Variants in RNGTT observed in about 807,000 individuals in gnomAD.
RNGTT encodes RNA guanylyltransferase and 5'-phosphatase.
A neutral mutation model predicts 79.3 loss-of-function variants in RNGTT; 33 were observed. The observed-to-expected ratio is 0.42, with a 90% CI of 0.32 to 0.56. RNGTT has a LOEUF of 0.56. Among genes scored for constraint, RNGTT ranks in the 20% least tolerant of loss-of-function variants. The pLI is 0.17. For synonymous variants in RNGTT, 222 were observed against 235.9 expected, an observed-to-expected ratio of 0.94 and a Z score of 0.54; for missense variants, 497 against 739.1, an observed-to-expected ratio of 0.67 and a Z score of 3.80.
At chr6:88,775,613 G>A (rs945280804) in intron 12 of RNGTT, among the ~76,000 whole-genome samples, 4 of 152,140 alleles carry the variant, frequency 2.6e-5, no homozygotes, top group Admixed American at 1.3e-4. Context: ...ATAATAAGGA[G>A]GTACAGAATT....
At chr6:88,716,953 AACTT>A (rs1397505269) in intron 13 of RNGTT, among the ~76,000 whole-genome samples, 1 of 152,130 alleles carries the variant, frequency 6.6e-6, no homozygotes, top group African/African-American at 2.4e-5. Context: ...TGTACCCTAA[AACTT>A]AAAGTATAAT....
intron 13 of RNGTT, among the ~76,000 whole-genome samples, chr6:88,683,435 A>G (rs10944403): frequency 0.012 from 1,782 of 152,296 alleles, 11 homozygotes; most frequent in Admixed American, 0.018. Flanking sequence ...TCCCATAAAC[A>G]ATTTTAAATT....
At chr6:88,656,902 C>A (rs1479538741) in intron 14 of RNGTT, among the ~76,000 whole-genome samples, 1 of 151,830 alleles carries the variant, frequency 6.6e-6, no homozygotes, top group East Asian at 1.9e-4. Flanking sequence ...CCAGCCTGGG[C>A]AACAATGTGA....
At chr6:88,891,672 C>T (rs1019867741) in intron 7 of RNGTT, 134 bp downstream of exon 7, 40 of 487,886 alleles carry the variant, frequency 8.2e-5, no homozygotes, top group African/African-American at 6.3e-4. Context: ...TTGTCTTGAA[C>T]GAAATCTGAC....
chr6:88,695,619 A>G (rs963854300), intron 13 of RNGTT, among the ~76,000 whole-genome samples: 1 of 152,202 alleles, frequency 6.6e-6, no homozygotes, highest in Non-Finnish European at 1.5e-5. Flanking sequence ...AAGTAGAATT[A>G]TGATATGATC....
intron 12 of RNGTT, among the ~76,000 whole-genome samples, chr6:88,786,700 T>C (rs1779239452): frequency 6.6e-6 from 1 of 152,216 alleles, no homozygotes; most frequent in Non-Finnish European, 1.5e-5. Flanking sequence ...TTGAAGAAAA[T>C]ACCAAAGTTT....
chr6:88,872,304 C>A (rs1458150545), intron 8 of RNGTT, among the ~76,000 whole-genome samples: 1 of 152,096 alleles, frequency 6.6e-6, no homozygotes, highest in African/African-American at 2.4e-5. Context: ...GGAACTGAGG[C>A]CTGCCATCAA....
At chr6:88,719,807 A>G (rs1336705072) in intron 13 of RNGTT, among the ~76,000 whole-genome samples, 2 of 152,234 alleles carry the variant, frequency 1.3e-5, no homozygotes, top group African/African-American at 4.8e-5. Context: ...ACCAAAGTAC[A>G]TATTATCATA....
intron 8 of RNGTT, among the ~76,000 whole-genome samples, chr6:88,878,311 G>A (rs1308628809): frequency 6.6e-6 from 1 of 151,916 alleles, no homozygotes; most frequent in East Asian, 1.9e-4. Context: ...TGGTTAGGCT[G>A]GTCTCGAACT....
At chr6:88,940,632 C>A (rs1784816964) in intron 2 of RNGTT, among the ~76,000 whole-genome samples, 2 of 152,090 alleles carry the variant, frequency 1.3e-5, no homozygotes, top group Non-Finnish European at 2.9e-5. Context: ...GGAAAAACTA[C>A]ACATTTTTGT....
intron 14 of RNGTT, among the ~76,000 whole-genome samples, chr6:88,628,996 A>G (rs1772740312): frequency 7.9e-6 from 1 of 126,068 alleles, no homozygotes; most frequent in Non-Finnish European, 1.7e-5. Context: ...AATAAGAAAC[A>G]TAGGCTGCAT....
At chr6:88,630,021 C>G (rs1772790713) in intron 14 of RNGTT, among the ~76,000 whole-genome samples, 1 of 152,126 alleles carries the variant, frequency 6.6e-6, no homozygotes, top group Non-Finnish European at 1.5e-5. Flanking sequence ...CCATGCTGTG[C>G]CTACGCTAAC....
At chr6:88,808,819 T>C (rs1483715224) in intron 11 of RNGTT, among the ~76,000 whole-genome samples, 2 of 152,098 alleles carry the variant, frequency 1.3e-5, no homozygotes, top group Non-Finnish European at 1.5e-5. Flanking sequence ...AGCCAGGCCA[T>C]GGCGGCATGC....
chr6:88,636,964 G>C (rs1773123000), intron 14 of RNGTT, among the ~76,000 whole-genome samples: 1 of 152,020 alleles, frequency 6.6e-6, no homozygotes, highest in South Asian at 2.1e-4. Flanking sequence ...AGATGCTTTT[G>C]ATAAATGTGC....
chr6:88,883,982 A>T (rs1461296755), intron 8 of RNGTT, among the ~76,000 whole-genome samples: 1 of 152,220 alleles, frequency 6.6e-6, no homozygotes, highest in Non-Finnish European at 1.5e-5. Context: ...ATTGGTGAAA[A>T]AATTTGCCAA....
chr6:88,614,506 T>C (rs1050758535), intron 14 of RNGTT, 111 bp from the exon 15 acceptor site: 4 of 987,524 alleles, frequency 4.1e-6, no homozygotes, highest in Non-Finnish European at 6.1e-6. Flanking sequence ...TAACTCTTCA[T>C]GCAGAGAGCT....
chr6:88,885,186 C>G (rs1782817860), intron 8 of RNGTT, among the ~76,000 whole-genome samples: 1 of 152,082 alleles, frequency 6.6e-6, no homozygotes, highest in Admixed American at 6.5e-5. Context: ...GAAATGACAT[C>G]CCAGTACTAA....
chr6:88,933,232 C>A (rs1394031943), intron 2 of RNGTT, among the ~76,000 whole-genome samples: 4 of 152,110 alleles, frequency 2.6e-5, no homozygotes, highest in African/African-American at 4.8e-5. Context: ...GTATCCATCA[C>A]CTTGAATATT....
intron 14 of RNGTT, among the ~76,000 whole-genome samples, chr6:88,659,229 A>G (rs1774093816): frequency 6.6e-6 from 1 of 152,162 alleles, no homozygotes; most frequent in Non-Finnish European, 1.5e-5. Flanking sequence ...TGGTATGATG[A>G]AACAAGGTTC....
Sources: allele counts gnomAD v4.1 joint callset (sites outside exome capture counted in the v4.1 genomes callset), GRCh38; gene constraint gnomAD v4.1.1; transcripts MANE v1.5; gene names NCBI Gene and HGNC (gene_info 2026-07-23, HGNC 2026-07-21).